The following WDR1 variants were observed in gnomAD, a reference collection of about 807,000 sequenced individuals.
WDR1 encodes the protein WD repeat domain 1.
A neutral mutation model predicts 71.9 loss-of-function variants in WDR1; 21 were observed. The ratio of observed to expected loss-of-function variants is 0.29; its 90% CI spans 0.21 to 0.42. The LOEUF (loss-of-function observed/expected upper bound fraction) is 0.42, where lower values mean the gene tolerates loss of function less well. Ranked by LOEUF, WDR1 falls within the 10% of genes least tolerant of loss-of-function variation. The probability of loss-of-function intolerance (pLI) is 1.00; values close to 1 mark genes in which losing one functional copy is unlikely to be tolerated. For synonymous variants in WDR1, 424 were observed against 347.4 expected, an observed-to-expected ratio of 1.22 and a Z score of -2.45; for missense variants, 696 against 824.5, an observed-to-expected ratio of 0.84 and a Z score of 1.91.
intron 2 of WDR1, among the ~76,000 whole-genome samples, chr4:10,107,794 G>A (rs1169740202): frequency 6.6e-6 from 1 of 152,162 alleles, no homozygotes; most frequent in East Asian, 1.9e-4. Context: ...AGTCACACAC[G>A]CGAGCAGACC....
intron 10 of WDR1, among the ~76,000 whole-genome samples, chr4:10,081,921 A>T (rs1428120457): frequency 6.6e-6 from 1 of 152,218 alleles, no homozygotes; most frequent in Non-Finnish European, 1.5e-5. Flanking sequence ...CTTGTTCTAG[A>T]AAGACTCATA....
chr4:10,106,722 A>G (rs1713041804), intron 2 of WDR1, among the ~76,000 whole-genome samples: 1 of 152,052 alleles, frequency 6.6e-6, no homozygotes, highest in Non-Finnish European at 1.5e-5. Flanking sequence ...CTGATGAATC[A>G]CTCACTCTCG....
At chr4:10,082,410 T>C (rs1241662951) in intron 10 of WDR1, among the ~76,000 whole-genome samples, 2 of 152,138 alleles carry the variant, frequency 1.3e-5, no homozygotes, top group Non-Finnish European at 2.9e-5. Context: ...GACCTGGGCA[T>C]GGGGACACTG....
rs1487952908 is a variant in WDR1, at chr4:10,116,581, G to C, written c.16+70C>G. ...AGGACTCCCCCGCCACCCGCACGGC[G>C]CCTAGGGGCCGGGGACCGGGGCCGG... On this transcript the variant is annotated intron_variant, in intron 1 of 14. Coordinates refer to ENST00000499869, the MANE Select transcript of WDR1 (RefSeq NM_017491.5). 4 of 1,111,766 alleles carry C rather than the reference G, an allele frequency of 3.6e-6. No homozygotes were observed. In the African/African-American group the frequency reaches 6.6e-5, roughly 18 times the overall value. 68.9% of individuals were successfully genotyped at this position (1,111,766 alleles called of 1,614,324 possible).
intron 2 of WDR1, among the ~76,000 whole-genome samples, chr4:10,105,212 T>C (rs1375375913): frequency 5.9e-5 from 9 of 152,320 alleles, no homozygotes; most frequent in African/African-American, 1.4e-4. Context: ...ATTTAACATG[T>C]CCACCGGGAT....
At chr4:10,116,080 A>G in intron 2 of WDR1, 33 bp downstream of exon 2, 2 of 1,603,616 alleles carry the variant, frequency 1.2e-6, no homozygotes, top group South Asian at 1.1e-5. Flanking sequence ...GTGGCTCCGG[A>G]GCAGAACCGC....
chr4:10,099,143 T>C lies in WDR1; in HGVS notation c.230-4A>G, dbSNP rs1218705149. 2.9e-6 allele frequency: 2 copies of C among 678,874 alleles called. No individual in the cohort carries two copies. Among genetic ancestry groups the C allele is most frequent in the South Asian group, 6.2e-5 (2 of 32,308 alleles). 42.1% of individuals were successfully genotyped at this position (678,874 alleles called of 1,614,324 possible). On this transcript the variant is annotated splice_polypyrimidine_tract_variant and splice_region_variant and intron_variant, in intron 3 of 14. Transcript: ENST00000499869. ...ATCCTCAGCTTCCCAGACACATCTG[T>C]GGGGCACAGCGGGCGGGGGAGGGGG...
In WDR1 at chr4:10,115,924, C is replaced by G. The variant is rs1248433123; in HGVS notation, c.138+189G>C. 3.5e-5 allele frequency: 24 copies of G among 683,226 alleles called. 2 individuals carry two copies. In the South Asian group the frequency reaches 4.5e-4, roughly 13 times the overall value. The allele number at this position is 683,226 out of a possible 1,614,324, so 42.3% of individuals were successfully genotyped here. On this transcript the variant is annotated intron_variant, in intron 2 of 14. Transcript: ENST00000499869. Reference sequence around the variant, plus strand: ...ACTCAGTTTCCTCATCAAGAAGGAGCAGACAAGGACCTGGGTGAATCTGAG... The same window carrying G: ...ACTCAGTTTCCTCATCAAGAAGGAGGAGACAAGGACCTGGGTGAATCTGAG...
chr4:10,085,486 G>A (rs1765174790), intron 8 of WDR1, among the ~76,000 whole-genome samples: 5 of 152,166 alleles, frequency 3.3e-5, no homozygotes, highest in Admixed American at 2.6e-4. Context: ...CTTCCAATGT[G>A]GCATCCCACC....
chr4:10,112,627 G>A (rs1202199544), intron 2 of WDR1, among the ~76,000 whole-genome samples: 3 of 152,244 alleles, frequency 2.0e-5, no homozygotes, highest in African/African-American at 7.2e-5. Context: ...CAAGTGCAAA[G>A]CTGGCAACGG....
intron 2 of WDR1, 196 bp downstream of exon 2, chr4:10,115,914 CAAG>C (rs1713689521): frequency 3.1e-6 from 2 of 651,720 alleles, no homozygotes; most frequent in Admixed American, 3.1e-5. Context: ...GTTTCCTCAT[CAAG>C]AAGGAGCAGA....
intron 5 of WDR1, among the ~76,000 whole-genome samples, chr4:10,093,357 GA>G (rs1712129695): frequency 6.6e-6 from 1 of 152,208 alleles, no homozygotes; most frequent in Non-Finnish European, 1.5e-5. Flanking sequence ...GGGCCTCCAC[GA>G]CCCTTGGTCA....
At chr4:10,116,039 T>C (rs1713699288) in intron 2 of WDR1, 74 bp downstream of exon 2, 3 of 1,553,128 alleles carry the variant, frequency 1.9e-6, no homozygotes, top group Admixed American at 1.8e-5. Flanking sequence ...AGGTGAGAAG[T>C]GGAGAGGAAG....
rs954112715 is a variant in WDR1 at position 10,116,684 on chromosome 4, C to T, written c.-18G>A. The T allele has an allele frequency of 1.5e-6, 2 of 1,350,574 alleles. No homozygotes were observed. The highest frequency in any genetic ancestry group is 3.0e-5 in the African/African-American group (2 of 66,126). The allele number at this position is 1,350,574 out of a possible 1,614,324, so 83.7% of individuals were successfully genotyped here. The stretch of plus-strand genomic sequence containing the variant: ...TACGGCATCCTCGCCCACTTGTTAC[C>T]GCGCCGCGCTCGCCGAGAGCCTCCG... On this transcript the variant is annotated 5_prime_UTR_variant, in exon 1 of 15. Coordinates refer to ENST00000499869, the MANE Select transcript of WDR1 (RefSeq NM_017491.5).
chr4:10,113,622 A>G (rs947347678), intron 2 of WDR1, among the ~76,000 whole-genome samples: 1 of 152,214 alleles, frequency 6.6e-6, no homozygotes, highest in Non-Finnish European at 1.5e-5. Flanking sequence ...ACAAGGGTGA[A>G]AGCAAGGAGA....
At chr4:10,089,028 C>T (rs552925384) in intron 5 of WDR1, among the ~76,000 whole-genome samples, 2 of 152,280 alleles carry the variant, frequency 1.3e-5, no homozygotes, top group East Asian at 1.9e-4. Context: ...GTGAGGTGCC[C>T]CCAGCAGCTG....
chr4:10,078,318 G>C (rs529450898), intron 12 of WDR1, among the ~76,000 whole-genome samples: 35 of 152,288 alleles, frequency 2.3e-4, no homozygotes, highest in Non-Finnish European at 4.4e-4. Flanking sequence ...GGCTGGAGAG[G>C]GGAAATGAGC....
chr4:10,097,521 G>A (rs554661488), intron 5 of WDR1, among the ~76,000 whole-genome samples, 190 bp downstream of exon 5: 2 of 152,342 alleles, frequency 1.3e-5, no homozygotes, highest in Admixed American at 1.3e-4. Flanking sequence ...GCCCAGCTGA[G>A]GGCCTGGGGA....
intron 5 of WDR1, among the ~76,000 whole-genome samples, chr4:10,093,887 G>C (rs1388015712): frequency 6.6e-6 from 1 of 152,360 alleles, no homozygotes; most frequent in East Asian, 1.9e-4. Context: ...ATATGAAAAA[G>C]AAAAACCACC....
Sources: gnomAD v4.1 joint callset for allele counts (sites outside exome capture counted in the v4.1 genomes callset) on GRCh38, gnomAD v4.1.1 for gene constraint, MANE v1.5 for transcripts, NCBI Gene and HGNC (gene_info 2026-07-23, HGNC 2026-07-21) for gene names.